The following LDB2 variants were observed in gnomAD, a reference collection of about 807,000 sequenced individuals.
LDB2 encodes the protein LIM domain-binding protein 2.
A neutral mutation model predicts 44.3 loss-of-function variants in LDB2; 12 were observed. The observed-to-expected ratio is 0.27, with a 90% CI of 0.17 to 0.44. LDB2 has a LOEUF of 0.44. Among genes scored for constraint, LDB2 ranks in the 20% least tolerant of loss-of-function variants. LDB2 has a pLI of 1.00. For synonymous variants in LDB2, 164 were observed against 174.8 expected (o/e 0.94, Z 0.49); for missense variants, 344 against 473.5 (o/e 0.73, Z 2.54).
chr4:16,776,476 T>C (rs1000716551), intron 1 of LDB2, among the ~76,000 whole-genome samples: 3 of 152,170 alleles, frequency 2.0e-5, no homozygotes, highest in African/African-American at 4.8e-5. Context: ...ACAGTCTCCA[T>C]AGGGATGGCA....
intron 5 of LDB2, among the ~76,000 whole-genome samples, chr4:16,556,881 G>A (rs1739816979): frequency 1.3e-5 from 2 of 152,170 alleles, no homozygotes; most frequent in Admixed American, 1.3e-4. Flanking sequence ...AAATTTGGGG[G>A]AGGCAGATTC....
At chr4:16,505,360 CGTGTGT>C (rs570015306) in intron 7 of LDB2, among the ~76,000 whole-genome samples, 1 of 149,500 alleles carries the variant, frequency 6.7e-6, no homozygotes, top group East Asian at 2.0e-4. Flanking sequence ...AGAGAGAGAG[CGTGTGT>C]GTGTGTGTGT....
chr4:16,511,505 CCTTT>C (rs1043368193), intron 6 of LDB2, among the ~76,000 whole-genome samples: 8 of 152,244 alleles, frequency 5.3e-5, no homozygotes, highest in African/African-American at 1.9e-4. Context: ...TTCATCTGTT[CCTTT>C]CTTCCTTCCT....
chr4:16,801,050 C>G (rs1274571011), intron 1 of LDB2, among the ~76,000 whole-genome samples: 1 of 152,220 alleles, frequency 6.6e-6, no homozygotes, highest in Non-Finnish European at 1.5e-5. Flanking sequence ...GGATGCATGA[C>G]CCTGAGGATG....
intron 2 of LDB2, among the ~76,000 whole-genome samples, chr4:16,681,240 G>A (rs943225518): frequency 1.2e-4 from 19 of 152,216 alleles, no homozygotes; most frequent in African/African-American, 4.6e-4. Context: ...GGTTTTCCCT[G>A]ACTGGATAAA....
At chr4:16,639,277 A>T (rs190061413) in intron 2 of LDB2, among the ~76,000 whole-genome samples, 129 of 152,352 alleles carry the variant, frequency 8.5e-4, no homozygotes, top group Non-Finnish European at 1.5e-3. Context: ...TAAAAAGCTA[A>T]TTGTGCTAAC....
At chr4:16,672,427 C>T (rs1451394231) in intron 2 of LDB2, among the ~76,000 whole-genome samples, 1 of 152,166 alleles carries the variant, frequency 6.6e-6, no homozygotes, top group Admixed American at 6.5e-5. Context: ...CCATCTGAGC[C>T]AAGGATGGGT....
chr4:16,766,621 T>A (rs549598813), intron 1 of LDB2, among the ~76,000 whole-genome samples: 1 of 151,572 alleles, frequency 6.6e-6, no homozygotes, highest in African/African-American at 2.4e-5. Context: ...TTCTCCTGCC[T>A]CAGCCACGCG....
At chr4:16,508,730 G>A in intron 6 of LDB2, 44 bp from the exon 7 acceptor site, 1 of 1,581,996 alleles carries the variant, frequency 6.3e-7, no homozygotes, top group Non-Finnish European at 8.6e-7. Context: ...TAGGGCAAAA[G>A]CAACAAGGCA....
Position 16,748,701 on chromosome 4 carries a change from A to T in LDB2, c.235+10457T>A, listed in dbSNP as rs193131216. ...TTGGCTCACTCCACTAAACCAAAATATCACCAGCCATTATTATCTAAAAGA... is the reference window on the plus strand; with the variant it reads ...TTGGCTCACTCCACTAAACCAAAATTTCACCAGCCATTATTATCTAAAAGA... On this transcript the variant is annotated intron_variant, in intron 2 of 7. Transcript: ENST00000304523. Among the ~76,000 whole-genome samples, 537 of 152,348 alleles carry T rather than the reference A, an allele frequency of 3.5e-3. 1 individual carries two copies. Among genetic ancestry groups the T allele is most frequent in the Non-Finnish European group, 3.5e-3 (239 of 68,032 alleles).
intron 5 of LDB2, among the ~76,000 whole-genome samples, chr4:16,528,426 AT>A (rs1729000732): frequency 6.6e-6 from 1 of 152,226 alleles, no homozygotes; most frequent in Non-Finnish European, 1.5e-5. Context: ...AACCGCAATC[AT>A]TTTTGCACCA....
chr4:16,609,248 C>T (rs968038796), intron 2 of LDB2, among the ~76,000 whole-genome samples: 2 of 151,878 alleles, frequency 1.3e-5, no homozygotes, highest in Non-Finnish European at 2.9e-5. Context: ...CACTTGCGAA[C>T]CCACGCCACC....
At position 16,862,246 on chromosome 4, in the gene LDB2, A is replaced by AT. The variant is rs112121810; in HGVS notation, c.132+36107dup. ...CCTGAGTAATACATCATTTTTTTCA[A>AT]TTTTTTTTTTTTATTTTTCTCCTAA... On this transcript the variant is annotated intron_variant, in intron 1 of 7. Transcript: ENST00000304523. Among the ~76,000 whole-genome samples, 465 of 146,922 alleles carry AT rather than the reference A, an allele frequency of 3.2e-3. 3 individuals carry two copies. The highest frequency in any genetic ancestry group is 0.011 in the East Asian group (57 of 5,012).
chr4:16,864,912 G>C (rs1311362825), intron 1 of LDB2, among the ~76,000 whole-genome samples: 1 of 151,020 alleles, frequency 6.6e-6, no homozygotes, highest in Non-Finnish European at 1.5e-5. Flanking sequence ...GCAAAAGAGA[G>C]AAAAATCCAT....
intron 2 of LDB2, chr4:16,752,367 TG>T (rs1765659152): frequency 2.2e-6 from 1 of 447,688 alleles, no homozygotes; most frequent in Non-Finnish European, 4.5e-6. Context: ...TGGACAGATG[TG>T]GTAATTGTAA....
chr4:16,892,948 T>C (rs1723837247), intron 1 of LDB2: 1 of 227,244 alleles, frequency 4.4e-6, no homozygotes, highest in Non-Finnish European at 7.3e-6. Context: ...TTTTTTCTTT[T>C]TTCTTCTTGG....
intron 2 of LDB2, among the ~76,000 whole-genome samples, chr4:16,754,503 T>G (rs1359234153): frequency 1.3e-5 from 2 of 152,170 alleles, no homozygotes; most frequent in African/African-American, 4.8e-5. Flanking sequence ...TCATTTAATT[T>G]TCACAAGCCA....
intron 2 of LDB2, among the ~76,000 whole-genome samples, chr4:16,607,740 C>T (rs565337462): frequency 1.3e-3 from 192 of 152,288 alleles, no homozygotes; most frequent in African/African-American, 4.1e-3. Context: ...GACTGTAGTT[C>T]CCTGAAGGCA....
intron 2 of LDB2, among the ~76,000 whole-genome samples, chr4:16,613,069 A>G (rs1578204689): frequency 6.6e-6 from 1 of 152,346 alleles, no homozygotes; most frequent in African/African-American, 2.4e-5. Flanking sequence ...ATGCAAATCA[A>G]TAAGTGTAAC....
Sources: gnomAD v4.1 joint callset for allele counts (sites outside exome capture counted in the v4.1 genomes callset) on GRCh38, gnomAD v4.1.1 for gene constraint, MANE v1.5 for transcripts, NCBI Gene and HGNC (gene_info 2026-07-23, HGNC 2026-07-21) for gene names.